MPDZ: variants seen among roughly 807,000 people sequenced by gnomAD.
MPDZ encodes the protein multiple PDZ domain crumbs cell polarity complex component, also known as multiple PDZ domain protein.
MPDZ carries 234 observed loss-of-function variants against 239.1 expected under a neutral mutation model. The ratio of observed to expected loss-of-function variants is 0.98; its 90% confidence interval spans 0.88 to 1.09. MPDZ has a LOEUF of 1.09. MPDZ is among the 50% of genes least tolerant of loss of function. The pLI, the probability that MPDZ is intolerant of heterozygous loss-of-function variation, is 0.00. For missense variants in MPDZ, 3,175 were observed against 2,510.0 expected, an observed-to-expected ratio of 1.26 and a Z score of -5.66; for synonymous variants, 1,048 against 881.3, an observed-to-expected ratio of 1.19 and a Z score of -3.35.
chr9:13,170,564 A>G (rs1182760643), intron 21 of MPDZ, among the ~76,000 whole-genome samples: 3 of 152,180 alleles, frequency 2.0e-5, no homozygotes, highest in Non-Finnish European at 4.4e-5. Flanking sequence ...AATACCCACA[A>G]TATAACTGTA....
At chr9:13,269,388 C>A (rs193120123) in intron 1 of MPDZ, among the ~76,000 whole-genome samples, 5 of 152,196 alleles carry the variant, frequency 3.3e-5, no homozygotes, top group Admixed American at 3.3e-4. Flanking sequence ...GCTGTTGTTT[C>A]CTTTTTCTCT....
chr9:13,194,924 T>C (rs2135212105), intron 13 of MPDZ, among the ~76,000 whole-genome samples: 1 of 152,218 alleles, frequency 6.6e-6, no homozygotes, highest in African/African-American at 2.4e-5. Context: ...TTAGGTCAAT[T>C]TAAAATGGTA....
At chr9:13,159,874 A>T (rs924184317) in intron 23 of MPDZ, among the ~76,000 whole-genome samples, 5 of 152,168 alleles carry the variant, frequency 3.3e-5, no homozygotes, top group Admixed American at 2.0e-4. Context: ...TCAGGGACTC[A>T]AGTGTCATGT....
Position 13,119,528 on chromosome 9 carries a change from G to T in MPDZ, c.5353C>A (p.Gln1785Lys), listed in dbSNP as rs761158317. ...VNGEDVRNATQEAVAALLKCS... is the reference protein window; with the variant it reads ...VNGEDVRNATKEAVAALLKCS... ...TTTAGCAAAGCGGCAACCGCTTCTT[G>T]GGTGGCATTACGAACGTCTTCCCCA... Residue 1785 changes from glutamine (Q) to lysine (K), a missense_variant, in exon 39 of 47, where the codon CAA (glutamine) becomes AAA (lysine). Transcript: ENST00000319217. 8 of 1,612,882 alleles carry T rather than the reference G, an allele frequency of 5.0e-6. No homozygotes were observed. The South Asian group carries it at 7.7e-5, about 16-fold the overall frequency.
chr9:13,233,726 C>T (rs1338519841), intron 3 of MPDZ, among the ~76,000 whole-genome samples: 1 of 152,114 alleles, frequency 6.6e-6, no homozygotes, highest in Non-Finnish European at 1.5e-5. Context: ...TAAAAACACG[C>T]CTCTTAAAGA....
intron 31 of MPDZ, 170 bp from the exon 32 acceptor site, chr9:13,134,074 A>G (rs2132147877): frequency 7.3e-6 from 2 of 272,358 alleles, no homozygotes; most frequent in East Asian, 1.3e-4. Flanking sequence ...TTATTATAAT[A>G]CATTTTTGCT....
rs995614519 is a variant in MPDZ at position 13,278,643 on chromosome 9, C to A, written c.-58+757G>T. Among the ~76,000 whole-genome samples, 16 of 152,288 alleles carry A rather than the reference C, an allele frequency of 1.1e-4. No homozygotes were observed. The East Asian group carries it at 2.9e-3, about 28-fold the overall frequency. On this transcript the variant is annotated intron_variant, in intron 1 of 46. Coordinates refer to ENST00000319217, the MANE Select transcript of MPDZ (RefSeq NM_001378778.1). The stretch of plus-strand genomic sequence containing the variant: ...CTGCCAAATCGCAGACAAAGACGCC[C>A]ATCAGCGCGGGGGGTGAGGAGACTA...
intron 3 of MPDZ, among the ~76,000 whole-genome samples, chr9:13,239,420 T>G (rs73408244): frequency 6.6e-6 from 1 of 152,184 alleles, no homozygotes; most frequent in Admixed American, 6.6e-5. Context: ...ATAGTATTGT[T>G]GTAATGATGA....
intron 3 of MPDZ, among the ~76,000 whole-genome samples, chr9:13,236,490 A>G (rs903385666): frequency 1.1e-4 from 17 of 150,720 alleles, no homozygotes; most frequent in African/African-American, 4.1e-4. Context: ...CATGTTGGTC[A>G]GGCTGGTCTC....
At chr9:13,113,202 G>C in intron 41 of MPDZ, 148 bp from the exon 42 acceptor site, 3 of 646,356 alleles carry the variant, frequency 4.6e-6, no homozygotes, top group Non-Finnish European at 2.7e-6. Flanking sequence ...CACATGATTA[G>C]ATCTGTCTTA....
intron 6 of MPDZ, among the ~76,000 whole-genome samples, 196 bp downstream of exon 6, chr9:13,222,037 A>C (rs958005516): frequency 3.3e-5 from 5 of 152,100 alleles, no homozygotes; most frequent in Admixed American, 6.6e-5. Context: ...CTACACAAAG[A>C]AAAGTAATTG....
intron 21 of MPDZ, among the ~76,000 whole-genome samples, chr9:13,171,950 T>C (rs1481365443): frequency 1.3e-5 from 2 of 152,192 alleles, no homozygotes; most frequent in Admixed American, 1.3e-4. Context: ...CAGCCTCTAT[T>C]TAGACTTCCT....
At chr9:13,163,679 T>C (rs1950722086) in intron 22 of MPDZ, among the ~76,000 whole-genome samples, 1 of 152,170 alleles carries the variant, frequency 6.6e-6, no homozygotes, top group African/African-American at 2.4e-5. Flanking sequence ...CAATACAGCA[T>C]GTTTGTGCAA....
chr9:13,229,735 T>TA, intron 3 of MPDZ, among the ~76,000 whole-genome samples: 1 of 152,136 alleles, frequency 6.6e-6, no homozygotes, highest in Middle Eastern at 3.4e-3. Flanking sequence ...AAAAGGAGTT[T>TA]AAAAATGTAA....
rs1564056425 is a variant in MPDZ, at chr9:13,217,207, C to A, written c.1174G>T (p.Ala392Ser). ...AATTTTTTATCTCCAATGTAGCCAGCAATGGTAATTCCTAATCCTTGGACA... is the reference window on the plus strand; with the variant it reads ...AATTTTTTATCTCCAATGTAGCCAGAAATGGTAATTCCTAATCCTTGGACA... ...KNVQGLGITI[A>S]GYIGDKKLEP... The change falls in exon 9 of 47, where the codon GCT (alanine) becomes TCT (serine). Residue 392 changes from alanine to serine, a missense_variant. Transcript: ENST00000319217. The A allele has an allele frequency of 6.3e-7, 1 of 1,597,312 alleles. No homozygotes were observed. The highest frequency in any genetic ancestry group is 8.5e-7 in the Non-Finnish European group (1 of 1,172,418).
rs1329278932 is a variant in MPDZ, at chr9:13,228,470, C to A, written c.184-3887G>T. On this transcript the variant is annotated intron_variant, in intron 3 of 46. Coordinates refer to ENST00000319217, the MANE Select transcript of MPDZ (RefSeq NM_001378778.1). ...AGAACCAGTATTGATTCACATACTA[C>A]AAAAGGTCAAGTAAAGCAGAAAAAA... is the stretch of plus-strand genomic sequence containing the variant. Among the ~76,000 whole-genome samples, 5 of 151,890 alleles carry A rather than the reference C, an allele frequency of 3.3e-5. No individual in the cohort carries two copies. The East Asian group carries it at 7.7e-4, about 23-fold the overall frequency.
chr9:13,158,345 G>T (rs1305093734), intron 23 of MPDZ, among the ~76,000 whole-genome samples: 2 of 152,112 alleles, frequency 1.3e-5, no homozygotes, highest in Admixed American at 6.6e-5. Context: ...TAAGACTCTT[G>T]TCTAGTCTGT....
At chr9:13,178,640 G>A (rs774863208) in intron 19 of MPDZ, among the ~76,000 whole-genome samples, 7 of 152,164 alleles carry the variant, frequency 4.6e-5, no homozygotes, top group Non-Finnish European at 1.0e-4. Context: ...TGGATTCACA[G>A]GAGCCTCCAA....
chr9:13,249,739 A>G (rs1967416007), intron 2 of MPDZ, among the ~76,000 whole-genome samples: 1 of 152,234 alleles, frequency 6.6e-6, no homozygotes, highest in African/African-American at 2.4e-5. Flanking sequence ...TGGTTCTACA[A>G]ACTAGTTTCT....
Sources: allele counts gnomAD v4.1 joint callset (sites outside exome capture counted in the v4.1 genomes callset), GRCh38; gene constraint gnomAD v4.1.1; transcripts MANE v1.5; gene names NCBI Gene and HGNC (gene_info 2026-07-23, HGNC 2026-07-21).